Variants in IMPA2 observed in about 807,000 individuals in gnomAD.
IMPA2 encodes inositol monophosphatase 2, also known as IMP 2.
In IMPA2, 32 loss-of-function variants were observed where a neutral mutation model predicts 35.1. The ratio of observed to expected loss-of-function variants is 0.91; its 90% CI spans 0.69 to 1.23. The LOEUF (loss-of-function observed/expected upper bound fraction) is 1.23. IMPA2 is among the 50% of genes most tolerant of loss of function. The pLI, the probability that IMPA2 is intolerant of heterozygous loss-of-function variation, is 0.00. For synonymous variants in IMPA2, 135 were observed against 160.6 expected (o/e 0.84, Z 1.20); for missense variants, 334 against 387.6 (o/e 0.86, Z 1.16).
At chr18:12,000,938 G>C (rs1256264695) in intron 2 of IMPA2, among the ~76,000 whole-genome samples, 1 of 147,704 alleles carries the variant, frequency 6.8e-6, no homozygotes, top group Non-Finnish European at 1.5e-5. Context: ...TTTTTAAAAA[G>C]CCTTTTAAAA....
At position 11,999,039 on chromosome 18, in the gene IMPA2, G is replaced by C. The variant is rs45442994; in HGVS notation, c.97-15G>C. ...TGTTTGCATGTTTAACCCAAATCCC[G>C]TACTTTTATTTCAGATCATCAGAAA... On this transcript the variant is annotated splice_polypyrimidine_tract_variant and intron_variant, in intron 1 of 7. Coordinates refer to ENST00000269159, the MANE Select transcript of IMPA2 (RefSeq NM_014214.3). 5 of 1,602,280 alleles carry C rather than the reference G, an allele frequency of 3.1e-6. No homozygotes were observed. Among genetic ancestry groups the C allele is most frequent in the African/African-American group, 1.4e-5 (1 of 73,496 alleles).
intron 2 of IMPA2, among the ~76,000 whole-genome samples, chr18:12,003,661 AAAAGAAAAGG>A (rs1414181176): frequency 8.0e-5 from 4 of 49,958 alleles, no homozygotes; most frequent in African/African-American, 6.9e-4. Flanking sequence ...AAAAAAAAAA[AAAAGAAAAGG>A]AAAAAAAAAA....
rs1218047852 is a variant in IMPA2, at chr18:11,999,177, C to T, written c.220C>T (p.Pro74Ser). The change falls in exon 2 of 8, where the codon CCT (proline) becomes TCT (serine). Residue 74 changes from proline (P) to serine (S), a missense_variant. Pro to Ser is a moderately conservative substitution (Grantham distance 74). Coordinates refer to ENST00000269159, the MANE Select transcript of IMPA2 (RefSeq NM_014214.3). ...LIISELRERF[P>S]SHRFIAEEAA... ...TATTTCTGAGTTGCGAGAGAGGTTT[C>T]CTTCACACAGGTAGGTGTACTCCTC... 1.2e-6 allele frequency: 2 copies of T among 1,613,698 alleles called. No homozygotes were observed. Among genetic ancestry groups the T allele is most frequent in the Admixed American group, 1.7e-5 (1 of 59,978 alleles).
chr18:12,022,462 G>T (rs1169198280), intron 5 of IMPA2, among the ~76,000 whole-genome samples: 2 of 147,290 alleles, frequency 1.4e-5, no homozygotes. Context: ...GGCAGAGGTT[G>T]CAGTGAGCCA....
intron 5 of IMPA2, among the ~76,000 whole-genome samples, chr18:12,017,065 T>C (rs1253349171): frequency 6.6e-6 from 1 of 152,210 alleles, no homozygotes; most frequent in Non-Finnish European, 1.5e-5. Context: ...CCCTTTCTTA[T>C]TTCTATTATG....
intron 5 of IMPA2, among the ~76,000 whole-genome samples, chr18:12,024,265 C>T (rs575399643): frequency 6.6e-6 from 1 of 152,262 alleles, no homozygotes; most frequent in East Asian, 1.9e-4. Context: ...GGGTTGATCA[C>T]CTGAGATCAG....
intron 2 of IMPA2, 30 bp from the exon 3 acceptor site, chr18:12,009,853 A>C: frequency 7.6e-6 from 12 of 1,574,912 alleles, no homozygotes; most frequent in Non-Finnish European, 1.0e-5. Context: ...TCCTTGGTGC[A>C]TTTTCTCAGG....
At chr18:12,001,231 AAAAT>A (rs745920871) in intron 2 of IMPA2, among the ~76,000 whole-genome samples, 4 of 152,130 alleles carry the variant, frequency 2.6e-5, no homozygotes, top group Non-Finnish European at 5.9e-5. Flanking sequence ...TCTGTCTCGA[AAAAT>A]AAATAAATAA....
intron 1 of IMPA2, 128 bp downstream of exon 1, chr18:11,981,893 G>GGCGCGGA: frequency 2.0e-6 from 1 of 510,540 alleles, no homozygotes; most frequent in East Asian, 3.7e-5. Flanking sequence ...GAGGGCGCGG[G>GGCGCGGA]GCGCGGAGCG....
At chr18:12,006,094 A>G (rs1007792507) in intron 2 of IMPA2, among the ~76,000 whole-genome samples, 7 of 152,236 alleles carry the variant, frequency 4.6e-5, no homozygotes, top group African/African-American at 1.2e-4. Flanking sequence ...GGAAAGTCAC[A>G]TAGCTACAGA....
chr18:12,029,898 G>A lies in IMPA2; in HGVS notation c.752-445G>A, dbSNP rs570511907. On this transcript the variant is annotated intron_variant, in intron 7 of 7. Transcript: ENST00000269159. ...CTTCGAGTGTGGGTCCCGCAGCAGC[G>A]GTGCACCCCCAGGAGCTTGTGGGCA... 2.0e-5 allele frequency among the ~76,000 whole-genome samples: 3 copies of A among 152,292 alleles called. No individual in the cohort carries two copies. In the South Asian group the frequency reaches 6.2e-4, roughly 32 times the overall value.
chr18:12,012,256 T>G, intron 4 of IMPA2, 41 bp downstream of exon 4: 1 of 1,542,910 alleles, frequency 6.5e-7, no homozygotes, highest in Non-Finnish European at 9.0e-7. Context: ...CTCCCTGGGC[T>G]CCCTCTGGCC....
chr18:11,989,747 G>C (rs1006905666), intron 1 of IMPA2, among the ~76,000 whole-genome samples: 66 of 152,280 alleles, frequency 4.3e-4, no homozygotes, highest in African/African-American at 1.5e-3. Flanking sequence ...CTGGTAGATG[G>C]CTCATCCCCA....
Position 12,012,215 on chromosome 18 carries a change from G to A in IMPA2, c.381G>A (p.Glu127=). ...AVSIGFAVRQ[E]LEFGVIYHCT... is the part of the protein sequence containing the mutation. The stretch of plus-strand genomic sequence containing the variant: ...GCATTGGATTTGCTGTTCGACAAGA[G>A]GTGCGGGTGTGGCCCAGGTCCCCAG... The change falls in exon 4 of 8, where the codon GAG becomes GAA. Residue 127 remains glutamate (E), a splice_region_variant and synonymous_variant. Coordinates refer to ENST00000269159, the MANE Select transcript of IMPA2 (RefSeq NM_014214.3). 6.2e-7 allele frequency: 1 copy of A among 1,614,074 alleles called. No homozygotes were observed. Among genetic ancestry groups the A allele is most frequent in the Non-Finnish European group, 8.5e-7 (1 of 1,179,910 alleles).
chr18:11,982,155 C>G (rs1227190668), intron 1 of IMPA2, among the ~76,000 whole-genome samples: 1 of 152,110 alleles, frequency 6.6e-6, no homozygotes, highest in Admixed American at 6.5e-5. Flanking sequence ...GGGGATCTGG[C>G]TGGGCTGCCG....
Position 12,028,885 on chromosome 18 carries a change from G to T in IMPA2, c.643G>T (p.Ala215Ser), listed in dbSNP as rs781083732. Reference sequence around the variant, plus strand: ...CTCCACATTGGCACTCTGCCACCTGGCCTCAGGGGCCGCGGATGCCTATTA... The same window carrying T: ...CTCCACATTGGCACTCTGCCACCTGTCCTCAGGGGCCGCGGATGCCTATTA... ...GSSTLALCHL[A>S]SGAADAYYQF... Residue 215 changes from alanine (A) to serine (S), a missense_variant, in exon 7 of 8, where the codon GCC becomes TCC. By Grantham distance (99) the Ala-to-Ser change is moderately conservative (BLOSUM62 1). Coordinates refer to ENST00000269159, the MANE Select transcript of IMPA2 (RefSeq NM_014214.3). The T allele has an allele frequency of 6.2e-7, 1 of 1,614,138 alleles. No individual in the cohort carries two copies. Among genetic ancestry groups the T allele is most frequent in the East Asian group, 2.2e-5 (1 of 44,878 alleles).
At chr18:12,008,238 T>G in intron 2 of IMPA2, 2 of 467,140 alleles carry the variant, frequency 4.3e-6, no homozygotes, top group South Asian at 3.0e-5. Context: ...TCAGGTGATC[T>G]GCCCGCCTTG....
At chr18:12,011,400 C>T (rs1907430026) in intron 3 of IMPA2, among the ~76,000 whole-genome samples, 1 of 152,254 alleles carries the variant, frequency 6.6e-6, no homozygotes, top group Non-Finnish European at 1.5e-5. Flanking sequence ...GGAGAAAGCT[C>T]TCCTGGGCAC....
intron 2 of IMPA2, chr18:12,008,443 C>T (rs760413858): frequency 2.0e-6 from 1 of 502,440 alleles, no homozygotes; most frequent in Non-Finnish European, 4.0e-6. Flanking sequence ...AGCGCCTGCC[C>T]AAGGCCTCAC....
Sources: gnomAD v4.1 joint callset for allele counts (sites outside exome capture counted in the v4.1 genomes callset) on GRCh38, gnomAD v4.1.1 for gene constraint, MANE v1.5 for transcripts, NCBI Gene and HGNC (gene_info 2026-07-23, HGNC 2026-07-21) for gene names.